Variants in SDC4 observed in about 807,000 individuals in gnomAD.
SDC4 encodes syndecan-4.
SDC4 carries 17 observed loss-of-function variants against 20.5 expected under a neutral mutation model. That is an observed-to-expected ratio of 0.83 (90% CI 0.57 to 1.25). The LOEUF is 1.25. Ranked by LOEUF, SDC4 falls within the 50% of genes most tolerant of loss-of-function variation. The probability of loss-of-function intolerance (pLI) is 0.00; values close to 1 mark genes in which losing one functional copy is unlikely to be tolerated. For synonymous variants in SDC4, 107 were observed against 105.3 expected (o/e 1.02, Z -0.10); for missense variants, 241 against 252.3 (o/e 0.96, Z 0.30).
rs1235555168 is a variant in SDC4, at chr20:45,326,713, A to C, written c.*551T>G. The C allele has an allele frequency of 6.6e-6, 1 of 152,640 alleles. No individual in the cohort carries two copies. The highest frequency in any genetic ancestry group is 1.5e-5 in the Non-Finnish European group (1 of 68,062). 9.5% of individuals were successfully genotyped at this position (152,640 alleles called of 1,614,324 possible). On this transcript the variant is annotated 3_prime_UTR_variant, in exon 5 of 5. Coordinates refer to ENST00000372733, the MANE Select transcript of SDC4 (RefSeq NM_002999.4). ...TAAAAAAGGTTGATTTCCAAAAGTC[A>C]CTTGAAAGAGCCTAGAATGGCCCCA... is the stretch of plus-strand genomic sequence containing the variant.
chr20:45,333,932 AT>A (rs1987820029), intron 2 of SDC4, among the ~76,000 whole-genome samples: 1 of 139,638 alleles, frequency 7.2e-6, no homozygotes, highest in African/African-American at 2.6e-5. Context: ...AAGAGTAAAA[AT>A]AATTCATTGG....
At chr20:45,343,976 G>A (rs572646588) in intron 1 of SDC4, among the ~76,000 whole-genome samples, 6 of 152,314 alleles carry the variant, frequency 3.9e-5, no homozygotes, top group African/African-American at 1.2e-4. Context: ...CGCACGTCTG[G>A]AGTTAAGTCT....
intron 1 of SDC4, among the ~76,000 whole-genome samples, chr20:45,337,053 G>A (rs1220479100): frequency 2.0e-5 from 3 of 151,936 alleles, no homozygotes; most frequent in South Asian, 2.1e-4. Flanking sequence ...CCACCAAACC[G>A]CTTGCCAAAA....
At chr20:45,334,842 G>A (rs1568905757) in intron 2 of SDC4, among the ~76,000 whole-genome samples, 1 of 152,052 alleles carries the variant, frequency 6.6e-6, no homozygotes, top group Non-Finnish European at 1.5e-5. Flanking sequence ...CTTGGTAGGT[G>A]CCAAAAGCTT....
At chr20:45,339,863 G>A (rs1013233042) in intron 1 of SDC4, among the ~76,000 whole-genome samples, 1 of 152,174 alleles carries the variant, frequency 6.6e-6, no homozygotes, top group Non-Finnish European at 1.5e-5. Context: ...AGACTGTTGG[G>A]GAGAAAGAAG....
intron 1 of SDC4, among the ~76,000 whole-genome samples, chr20:45,347,153 T>C (rs1271316439): frequency 2.6e-5 from 4 of 152,144 alleles, no homozygotes; most frequent in Non-Finnish European, 5.9e-5. Flanking sequence ...GTGCTGGAAG[T>C]ATTGCCTAGG....
At chr20:45,336,542 T>C (rs1436375551) in intron 1 of SDC4, among the ~76,000 whole-genome samples, 1 of 152,244 alleles carries the variant, frequency 6.6e-6, no homozygotes, top group African/African-American at 2.4e-5. Flanking sequence ...CACTTCTTTT[T>C]ACAGCCGAGG....
chr20:45,347,291 G>A (rs1280636321), intron 1 of SDC4, among the ~76,000 whole-genome samples: 1 of 152,156 alleles, frequency 6.6e-6, no homozygotes, highest in African/African-American at 2.4e-5. Context: ...GGACTCACTC[G>A]CTCTGAAAAC....
chr20:45,337,575 C>A (rs1174422559), intron 1 of SDC4, among the ~76,000 whole-genome samples: 1 of 152,352 alleles, frequency 6.6e-6, no homozygotes, highest in East Asian at 1.9e-4. Context: ...CAGTCCTTCA[C>A]TCAGCTGAGA....
chr20:45,327,531 A>C, intron 4 of SDC4, 116 bp from the exon 5 acceptor site: 2 of 1,195,006 alleles, frequency 1.7e-6, no homozygotes. Flanking sequence ...CACCATCACC[A>C]CTGCCTGTGC....
chr20:45,332,817 C>T (rs2853894), intron 3 of SDC4, among the ~76,000 whole-genome samples: 5 of 152,086 alleles, frequency 3.3e-5, no homozygotes, highest in African/African-American at 1.2e-4. Context: ...TGGTCTTGAA[C>T]TCCTGACCTC....
At chr20:45,328,746 A>G (rs1187944413) in intron 4 of SDC4, among the ~76,000 whole-genome samples, 1 of 152,174 alleles carries the variant, frequency 6.6e-6, no homozygotes, top group Non-Finnish European at 1.5e-5. Context: ...CTACAAATCT[A>G]TGTACACAAT....
intron 4 of SDC4, among the ~76,000 whole-genome samples, chr20:45,329,048 A>AT (rs1987737048): frequency 6.6e-6 from 1 of 152,198 alleles, no homozygotes; most frequent in Admixed American, 6.5e-5. Flanking sequence ...GTGACTTCGG[A>AT]TAAGTTCTTT....
At chr20:45,336,932 G>A (rs892933463) in intron 1 of SDC4, among the ~76,000 whole-genome samples, 1 of 151,684 alleles carries the variant, frequency 6.6e-6, no homozygotes, top group African/African-American at 2.4e-5. Flanking sequence ...TGCAGACACC[G>A]AGAGGCACAA....
At chr20:45,331,686 G>A (rs186812387) in intron 3 of SDC4, among the ~76,000 whole-genome samples, 73 of 152,160 alleles carry the variant, frequency 4.8e-4, no homozygotes, top group African/African-American at 1.6e-3. Flanking sequence ...TACTACATTA[G>A]CATGCTAAGA....
Position 45,335,873 on chromosome 20 carries a change from T to G in SDC4, c.108A>C (p.Arg36=). 3 of 1,613,850 alleles carry G rather than the reference T, an allele frequency of 1.9e-6. No homozygotes were observed. The South Asian group carries it at 3.3e-5, about 18-fold the overall frequency. ...VIDPQDLLEG[R]YFSGALPDDE... ...CGTCTGGTAGGGCTCCGGAGAAGTA[T>G]CGGCCTTCTAGGAGGTCCTGGGGGT... The change falls in exon 2 of 5, where the codon CGA becomes CGC. Residue 36 remains arginine (R), a synonymous_variant. Transcript: ENST00000372733.
chr20:45,327,473 T>C, intron 4 of SDC4, 58 bp from the exon 5 acceptor site: 1 of 1,547,698 alleles, frequency 6.5e-7, no homozygotes, highest in South Asian at 1.2e-5. Context: ...GACCTAAGGA[T>C]GAACCCCTCT....
intron 1 of SDC4, among the ~76,000 whole-genome samples, chr20:45,343,026 G>A (rs1367333271): frequency 6.6e-6 from 1 of 152,172 alleles, no homozygotes; most frequent in Non-Finnish European, 1.5e-5. Flanking sequence ...TATTAACTGT[G>A]TGTGTCCCTG....
rs370076335 is a variant in SDC4, at chr20:45,330,571, G to A, written c.247-7C>T. 3 of 1,613,000 alleles carry A rather than the reference G, an allele frequency of 1.9e-6. No homozygotes were observed. The African/African-American group carries it at 4.0e-5, about 22-fold the overall frequency. ...TATGGTTATCTAGAGGCACCTGGAT[G>A]GGCGGAAAGGAGAAGAGACACTCAG... On this transcript the variant is annotated splice_region_variant and splice_polypyrimidine_tract_variant and intron_variant, in intron 3 of 4. Coordinates refer to ENST00000372733, the MANE Select transcript of SDC4 (RefSeq NM_002999.4).
Sources: gnomAD v4.1 joint callset for allele counts (sites outside exome capture counted in the v4.1 genomes callset) on GRCh38, gnomAD v4.1.1 for gene constraint, MANE v1.5 for transcripts, NCBI Gene and HGNC (gene_info 2026-07-23, HGNC 2026-07-21) for gene names.